The following COBL variants were observed in gnomAD, a reference collection of about 807,000 sequenced individuals.
COBL encodes the protein cordon-bleu WH2 repeat protein, also known as protein cordon-bleu.
A neutral mutation model predicts 98.8 loss-of-function variants in COBL; 51 were observed. That is an observed-to-expected ratio of 0.52 (90% CI 0.41 to 0.65). The LOEUF is 0.65. Ranked by LOEUF, COBL falls within the 30% of genes least tolerant of loss-of-function variation. The probability of loss-of-function intolerance (pLI) is 0.00; values close to 1 mark genes in which losing one functional copy is unlikely to be tolerated. For missense variants in COBL, 1,617 were observed against 1,617.5 expected, an observed-to-expected ratio of 1.00 and a Z score of 0.01; for synonymous variants, 634 against 651.7, an observed-to-expected ratio of 0.97 and a Z score of 0.41.
chr7:51,281,114 T>C (rs1013283240), intron 1 of COBL, among the ~76,000 whole-genome samples: 29 of 151,758 alleles, frequency 1.9e-4, no homozygotes, highest in African/African-American at 6.6e-4. Context: ...GGCAAAGAAA[T>C]AGAAGATATA....
intron 7 of COBL, among the ~76,000 whole-genome samples, chr7:51,058,286 A>T (rs1161342098): frequency 6.6e-6 from 1 of 152,144 alleles, no homozygotes; most frequent in Non-Finnish European, 1.5e-5. Flanking sequence ...CGTGACTCGC[A>T]TCTGTAATCC....
intron 5 of COBL, among the ~76,000 whole-genome samples, chr7:51,137,731 G>C (rs984393472): frequency 2.6e-5 from 4 of 152,094 alleles, no homozygotes; most frequent in Non-Finnish European, 5.9e-5. Context: ...GATTTTTACT[G>C]AGAACTGTAT....
Position 51,017,557 on chromosome 7 carries a change from G to C in COBL, c.3780C>G (p.Leu1260=). The C allele has an allele frequency of 6.2e-7, 1 of 1,613,948 alleles. No individual in the cohort carries two copies. Among genetic ancestry groups the C allele is most frequent in the Non-Finnish European group, 8.5e-7 (1 of 1,179,850 alleles). Residue 1260 remains leucine (L), a synonymous_variant, in exon 13 of 13, where the codon CTC becomes CTG. Transcript: ENST00000265136. Reference sequence around the variant, plus strand: ...TTCTCTGGCCTCTGTTCATTCACACGAGCAAGGGCACCTGCAGGGAAGAGA... The same window carrying C: ...TTCTCTGGCCTCTGTTCATTCACACCAGCAAGGGCACCTGCAGGGAAGAGA... ...GAARLRKVPL[L]V
At chr7:51,128,291 G>A (rs1413193913) in intron 6 of COBL, among the ~76,000 whole-genome samples, 1 of 152,222 alleles carries the variant, frequency 6.6e-6, no homozygotes, top group Non-Finnish European at 1.5e-5. Flanking sequence ...AGGATGCCAG[G>A]ATGGCTGTGA....
chr7:51,043,801 G>T lies in COBL; in HGVS notation c.1097-109C>A, dbSNP rs797021809. The T allele has an allele frequency of 4.6e-6, 4 of 868,732 alleles. No individual in the cohort carries two copies. The African/African-American group carries it at 5.1e-5, about 11-fold the overall frequency. The allele number at this position is 868,732 out of a possible 1,614,324, so 53.8% of individuals were successfully genotyped here. On this transcript the variant is annotated intron_variant, in intron 7 of 12. Transcript: ENST00000265136. ...CCCCGCTCTAAAATTTGGGATTCAG[G>T]GTGCTCAAAGTAAAGGAAGAACCTC... is the stretch of plus-strand genomic sequence containing the variant.
At chr7:51,200,368 T>A (rs927385489) in intron 2 of COBL, among the ~76,000 whole-genome samples, 1 of 152,144 alleles carries the variant, frequency 6.6e-6, no homozygotes, top group African/African-American at 2.4e-5. Flanking sequence ...TACACACAAA[T>A]CTCTTTAAAC....
At chr7:51,090,403 C>T (rs896512844) in intron 6 of COBL, among the ~76,000 whole-genome samples, 1 of 152,228 alleles carries the variant, frequency 6.6e-6, no homozygotes, top group Non-Finnish European at 1.5e-5. Context: ...TTCCCCTAAC[C>T]CAGTATCGCT....
intron 2 of COBL, among the ~76,000 whole-genome samples, chr7:51,206,075 T>C (rs1303204347): frequency 1.3e-5 from 2 of 152,148 alleles, no homozygotes; most frequent in Admixed American, 1.3e-4. Context: ...AGGAAAACCT[T>C]GAACATTGCT....
chr7:51,166,869 A>G (rs1290947640), intron 5 of COBL, among the ~76,000 whole-genome samples: 1 of 152,192 alleles, frequency 6.6e-6, no homozygotes, highest in African/African-American at 2.4e-5. Context: ...GATCATTTCA[A>G]TCGATATTGA....
intron 1 of COBL, among the ~76,000 whole-genome samples, chr7:51,292,827 A>G (rs996902263): frequency 6.6e-6 from 1 of 152,234 alleles, no homozygotes; most frequent in Non-Finnish European, 1.5e-5. Flanking sequence ...AGTAAAGAGG[A>G]GCAGGGCCCT....
intron 1 of COBL, among the ~76,000 whole-genome samples, chr7:51,235,941 A>T (rs576405786): frequency 6.6e-6 from 1 of 152,106 alleles, no homozygotes; most frequent in South Asian, 2.1e-4. Flanking sequence ...AAGGCAGAAC[A>T]CTTCAGCTTG....
chr7:51,040,436 T>G (rs1360851515), intron 8 of COBL, among the ~76,000 whole-genome samples: 1 of 152,174 alleles, frequency 6.6e-6, no homozygotes, highest in Admixed American at 6.5e-5. Flanking sequence ...AAAGTGATTG[T>G]CCAGGGCAAT....
At chr7:51,239,499 T>C (rs546527070) in intron 1 of COBL, among the ~76,000 whole-genome samples, 1 of 152,196 alleles carries the variant, frequency 6.6e-6, no homozygotes, top group Non-Finnish European at 1.5e-5. Context: ...CCACACCTTG[T>C]TTAGCACATA....
At chr7:51,027,681 G>A (rs1225276151) in intron 10 of COBL, 31 bp downstream of exon 10, 1 of 1,564,000 alleles carries the variant, frequency 6.4e-7, no homozygotes, top group Non-Finnish European at 8.7e-7. Flanking sequence ...GGCAGGTGTG[G>A]AAGGCCTGCC....
intron 7 of COBL, among the ~76,000 whole-genome samples, chr7:51,068,266 C>T (rs1020551000): frequency 2.6e-5 from 4 of 152,208 alleles, no homozygotes. Context: ...TATGTGCACT[C>T]ACATCCCCAC....
rs565806918 is a variant in COBL at position 51,235,061 on chromosome 7, C to T, written c.42-15117G>A. Among the ~76,000 whole-genome samples, 28 of 152,112 alleles carry T rather than the reference C, an allele frequency of 1.8e-4. No individual in the cohort carries two copies. The South Asian group carries it at 1.9e-3, about 10-fold the overall frequency. On this transcript the variant is annotated intron_variant, in intron 1 of 12. Transcript: ENST00000265136. Reference sequence around the variant, plus strand: ...GAGGGACAGTCTGCAGCCCTCACAACGCTCATGCCTGTTCCTATGGATATC... The same window carrying T: ...GAGGGACAGTCTGCAGCCCTCACAATGCTCATGCCTGTTCCTATGGATATC...
At chr7:51,107,231 A>T (rs1796391440) in intron 6 of COBL, among the ~76,000 whole-genome samples, 2 of 151,532 alleles carry the variant, frequency 1.3e-5, no homozygotes, top group Non-Finnish European at 2.9e-5. Flanking sequence ...AGTAGCTGGG[A>T]CTACAGGCGC....
intron 8 of COBL, among the ~76,000 whole-genome samples, chr7:51,039,895 A>G (rs1240098829): frequency 1.3e-5 from 2 of 152,120 alleles, no homozygotes; most frequent in Non-Finnish European, 2.9e-5. Flanking sequence ...AACTGGCCAC[A>G]CTGGGTCTGT....
chr7:51,055,494 C>A (rs1790654967), intron 7 of COBL, among the ~76,000 whole-genome samples: 1 of 152,240 alleles, frequency 6.6e-6, no homozygotes, highest in African/African-American at 2.4e-5. Flanking sequence ...AGCTGCCTGG[C>A]TGTCCATAAA....
Sources: gnomAD v4.1 joint callset for allele counts (sites outside exome capture counted in the v4.1 genomes callset) on GRCh38, gnomAD v4.1.1 for gene constraint, MANE v1.5 for transcripts, NCBI Gene and HGNC (gene_info 2026-07-23, HGNC 2026-07-21) for gene names.